ARK2C: variants seen among roughly 807,000 people sequenced by gnomAD.
ARK2C encodes arkadia (RNF111) C-terminal like ring finger ubiquitin ligase 2C, also known as E3 ubiquitin-protein ligase ARK2C.
the ARK2C span, among the ~76,000 whole-genome samples, chr18:46,446,485 A>G: frequency 2.1e-4 from 32 of 152,126 alleles, no homozygotes; most frequent in African/African-American, 7.5e-4. Flanking sequence ...AGCCTGGACA[A>G]CATGGTGAAA....
the ARK2C span, among the ~76,000 whole-genome samples, chr18:46,410,608 C>G: frequency 6.6e-6 from 1 of 152,232 alleles, no homozygotes; most frequent in Non-Finnish European, 1.5e-5. Context: ...TTGGTTATGA[C>G]CTGGAGCCAT....
chr18:46,397,644 G>C, the ARK2C span, among the ~76,000 whole-genome samples: 1 of 140,656 alleles, frequency 7.1e-6, no homozygotes, highest in Non-Finnish European at 1.5e-5. Context: ...GTGTGTGTGT[G>C]TGGGGTCATG....
At chr18:46,447,949 T>C in the ARK2C span, among the ~76,000 whole-genome samples, 1 of 134,594 alleles carries the variant, frequency 7.4e-6, no homozygotes, top group Non-Finnish European at 1.6e-5. Context: ...CTATTCTCTG[T>C]TATCAGCCCC....
chr18:46,335,952 T>C, the ARK2C span: 1 of 985,352 alleles, frequency 1.0e-6, no homozygotes, highest in Non-Finnish European at 1.2e-6. Context: ...TTTAGCTGTA[T>C]TGTGACACCC....
the ARK2C span, among the ~76,000 whole-genome samples, chr18:46,338,429 G>T: frequency 6.6e-6 from 1 of 152,192 alleles, no homozygotes; most frequent in Admixed American, 6.5e-5. Flanking sequence ...AGTTAAAGCT[G>T]ATTATAGCCT....
the ARK2C span, among the ~76,000 whole-genome samples, chr18:46,375,603 T>C: frequency 5.3e-5 from 8 of 151,530 alleles, no homozygotes; most frequent in Admixed American, 2.6e-4. Context: ...TAATAACTTG[T>C]CCTGGCTTCC....
the ARK2C span, among the ~76,000 whole-genome samples, chr18:46,374,592 T>C: frequency 6.6e-6 from 1 of 151,554 alleles, no homozygotes; most frequent in Non-Finnish European, 1.5e-5. Context: ...TGTGTCAGGA[T>C]TTCATTCCCC....
At chr18:46,384,978 G>T in the ARK2C span, among the ~76,000 whole-genome samples, 1 of 152,198 alleles carries the variant, frequency 6.6e-6, no homozygotes, top group Non-Finnish European at 1.5e-5. Flanking sequence ...ACTTCTTGAT[G>T]GTCACCTTTG....
the ARK2C span, among the ~76,000 whole-genome samples, chr18:46,398,906 C>T: frequency 1.3e-5 from 2 of 152,054 alleles, no homozygotes; most frequent in Non-Finnish European, 2.9e-5. Flanking sequence ...CTAGGATGCA[C>T]ATGTAGGGCA....
At chr18:46,379,802 G>C in the ARK2C span, among the ~76,000 whole-genome samples, 1 of 152,226 alleles carries the variant, frequency 6.6e-6, no homozygotes, top group Non-Finnish European at 1.5e-5. Flanking sequence ...ATCTGTTTCA[G>C]GGCCCGTTCA....
the ARK2C span, among the ~76,000 whole-genome samples, chr18:46,372,287 T>C: frequency 3.6e-4 from 55 of 152,306 alleles, no homozygotes; most frequent in East Asian, 9.6e-3. Context: ...TGGTAAGTTG[T>C]TGCACTCATC....
At chr18:46,403,898 C>T in the ARK2C span, among the ~76,000 whole-genome samples, 1 of 152,014 alleles carries the variant, frequency 6.6e-6, no homozygotes, top group African/African-American at 2.4e-5. Context: ...CAAAACAAAA[C>T]AAAATCAGAT....
At chr18:46,404,005 T>A in the ARK2C span, among the ~76,000 whole-genome samples, 1 of 152,328 alleles carries the variant, frequency 6.6e-6, no homozygotes, top group South Asian at 2.1e-4. Context: ...GATTAACAAT[T>A]CCCTCTTTCC....
the ARK2C span, among the ~76,000 whole-genome samples, chr18:46,404,617 G>T: frequency 6.6e-6 from 1 of 152,112 alleles, no homozygotes; most frequent in African/African-American, 2.4e-5. Flanking sequence ...GCAGGGCATG[G>T]TGGCGGGAGC....
chr18:46,389,085 C>A, the ARK2C span, among the ~76,000 whole-genome samples: 1 of 152,122 alleles, frequency 6.6e-6, no homozygotes, highest in Admixed American at 6.5e-5. Flanking sequence ...GGAAGACAGG[C>A]TTAGGGACCA....
chr18:46,347,248 T>G, the ARK2C span, among the ~76,000 whole-genome samples: 2 of 152,234 alleles, frequency 1.3e-5, no homozygotes, highest in Non-Finnish European at 2.9e-5. Context: ...CAGAGTCCTG[T>G]GGCTGTCACC....
chr18:46,410,453 G>A, the ARK2C span, among the ~76,000 whole-genome samples: 2 of 152,322 alleles, frequency 1.3e-5, no homozygotes, highest in Non-Finnish European at 1.5e-5. Context: ...GACTGAACCC[G>A]TTAGGCTGTG....
At chr18:46,393,570 C>T in the ARK2C span, among the ~76,000 whole-genome samples, 1 of 152,148 alleles carries the variant, frequency 6.6e-6, no homozygotes, top group Non-Finnish European at 1.5e-5. Context: ...TGGAGCTGGC[C>T]CTTATGCTGT....
the ARK2C span, among the ~76,000 whole-genome samples, chr18:46,440,119 C>T: frequency 9.6e-4 from 146 of 152,158 alleles, no homozygotes; most frequent in Middle Eastern, 3.4e-3. Flanking sequence ...TGAGCCACCA[C>T]GCCCAGATCT....
Sources: allele counts gnomAD v4.1 joint callset (sites outside exome capture counted in the v4.1 genomes callset), GRCh38; gene constraint gnomAD v4.1.1; transcripts MANE v1.5; gene names NCBI Gene and HGNC (gene_info 2026-07-23, HGNC 2026-07-21).